MAGI3: variants seen among roughly 807,000 people sequenced by gnomAD.
MAGI3 encodes membrane-associated guanylate kinase, WW and PDZ domain-containing protein 3.
MAGI3 carries 43 observed loss-of-function variants against 121.8 expected under a neutral mutation model. The observed-to-expected ratio is 0.35, with a 90% CI of 0.28 to 0.46. The LOEUF (loss-of-function observed/expected upper bound fraction) is 0.46, where lower values mean the gene tolerates loss of function less well. Ranked by LOEUF, MAGI3 falls within the 20% of genes least tolerant of loss-of-function variation. The pLI is 1.00. For missense variants in MAGI3, 1,547 were observed against 1,797.3 expected (o/e 0.86, Z 2.52); for synonymous variants, 553 against 639.3 (o/e 0.86, Z 2.04).
rs948803126 is a variant in MAGI3 at position 113,446,030 on chromosome 1, C to T, written c.316+54681C>T. Among the ~76,000 whole-genome samples the T allele has an allele frequency of 7.2e-5, 11 of 152,116 alleles. No individual in the cohort carries two copies. The East Asian group carries it at 2.1e-3, about 29-fold the overall frequency. ...TATTATTGTAACAACAGTTTGTAAC[C>T]CCACTTTTTTTGTTTTCTTCATGAT... On this transcript the variant is annotated intron_variant, in intron 1 of 20. Transcript: ENST00000307546.
intron 1 of MAGI3, among the ~76,000 whole-genome samples, chr1:113,472,403 C>T (rs560714396): frequency 2.6e-5 from 4 of 152,170 alleles, no homozygotes; most frequent in African/African-American, 7.2e-5. Context: ...GGGGTTTCAC[C>T]GTGTTAGCCA....
intron 2 of MAGI3, among the ~76,000 whole-genome samples, chr1:113,570,566 T>A (rs1647235367): frequency 6.6e-6 from 1 of 152,210 alleles, no homozygotes; most frequent in African/African-American, 2.4e-5. Flanking sequence ...ATTTCCTGAC[T>A]TTTTAATAAT....
At chr1:113,613,747 C>T (rs960430397) in intron 6 of MAGI3, among the ~76,000 whole-genome samples, 2 of 152,108 alleles carry the variant, frequency 1.3e-5, no homozygotes, top group Non-Finnish European at 2.9e-5. Flanking sequence ...ACTAGAACCA[C>T]CTGCTAGGAA....
chr1:113,437,485 A>G (rs1653627870), intron 1 of MAGI3, among the ~76,000 whole-genome samples: 1 of 151,948 alleles, frequency 6.6e-6, no homozygotes, highest in Non-Finnish European at 1.5e-5. Context: ...TTTTCTCCCT[A>G]GATAATAGAA....
At chr1:113,673,565 A>T in intron 19 of MAGI3, 100 bp downstream of exon 19, 1 of 1,304,872 alleles carries the variant, frequency 7.7e-7, no homozygotes, top group South Asian at 1.4e-5. Context: ...AACCTCCTAA[A>T]TCTAAAAAGC....
At chr1:113,639,343 G>A (rs1263236528) in intron 9 of MAGI3, among the ~76,000 whole-genome samples, 1 of 152,214 alleles carries the variant, frequency 6.6e-6, no homozygotes, top group Non-Finnish European at 1.5e-5. Flanking sequence ...GCTGGGAACT[G>A]TAGACCGGAG....
At chr1:113,453,275 A>G (rs745842871) in intron 1 of MAGI3, among the ~76,000 whole-genome samples, 20 of 152,216 alleles carry the variant, frequency 1.3e-4, no homozygotes, top group Non-Finnish European at 1.5e-5. Flanking sequence ...TCTTTCTTGC[A>G]TAAACAACAT....
chr1:113,416,329 T>C (rs1408680426), intron 1 of MAGI3, among the ~76,000 whole-genome samples: 1 of 116,048 alleles, frequency 8.6e-6, no homozygotes, highest in African/African-American at 3.3e-5. Context: ...TAATTAATTA[T>C]ATATCAATCA....
chr1:113,400,786 A>C (rs1289749055), intron 1 of MAGI3, among the ~76,000 whole-genome samples: 2 of 152,192 alleles, frequency 1.3e-5, no homozygotes, highest in African/African-American at 4.8e-5. Flanking sequence ...TTAAGTTAGA[A>C]TGCACATGCT....
intron 2 of MAGI3, among the ~76,000 whole-genome samples, chr1:113,551,686 C>A (rs1169241897): frequency 6.6e-6 from 1 of 152,056 alleles, no homozygotes; most frequent in Non-Finnish European, 1.5e-5. Context: ...TGTGAAACTT[C>A]TTAAATTTTT....
chr1:113,575,505 G>C (rs955087604), intron 2 of MAGI3, among the ~76,000 whole-genome samples: 1 of 152,178 alleles, frequency 6.6e-6, no homozygotes, highest in Non-Finnish European at 1.5e-5. Flanking sequence ...TGTTTGCCTG[G>C]TATCACCAGC....
At chr1:113,669,015 T>A (rs1647356000) in intron 16 of MAGI3, among the ~76,000 whole-genome samples, 1 of 152,232 alleles carries the variant, frequency 6.6e-6, no homozygotes. Flanking sequence ...GCTCTGATGT[T>A]ATACACTCAT....
At chr1:113,443,130 G>A (rs1283231021) in intron 1 of MAGI3, among the ~76,000 whole-genome samples, 1 of 152,078 alleles carries the variant, frequency 6.6e-6, no homozygotes, top group East Asian at 1.9e-4. Flanking sequence ...GAATTATTCT[G>A]TTAGTAGGAA....
At chr1:113,429,892 A>G (rs1277197996) in intron 1 of MAGI3, among the ~76,000 whole-genome samples, 2 of 152,118 alleles carry the variant, frequency 1.3e-5, no homozygotes, top group African/African-American at 2.4e-5. Flanking sequence ...TCCAGACCCT[A>G]TTCTCCTGCC....
At chr1:113,534,989 G>A (rs1658899367) in intron 1 of MAGI3, among the ~76,000 whole-genome samples, 1 of 152,046 alleles carries the variant, frequency 6.6e-6, no homozygotes, top group Non-Finnish European at 1.5e-5. Context: ...TCTGTAAGTG[G>A]CCTGCAAAAG....
chr1:113,446,141 C>G (rs1188839138), intron 1 of MAGI3, among the ~76,000 whole-genome samples: 1 of 151,918 alleles, frequency 6.6e-6, no homozygotes, highest in African/African-American at 2.4e-5. Flanking sequence ...CATTTTTTTT[C>G]TACATAATTT....
chr1:113,473,091 A>G (rs1655623307), intron 1 of MAGI3, among the ~76,000 whole-genome samples: 1 of 152,138 alleles, frequency 6.6e-6, no homozygotes, highest in South Asian at 2.1e-4. Context: ...TTTCATTTTA[A>G]GTTGAAGAAC....
chr1:113,467,966 A>T (rs1220876391), intron 1 of MAGI3, among the ~76,000 whole-genome samples: 1 of 152,140 alleles, frequency 6.6e-6, no homozygotes, highest in Non-Finnish European at 1.5e-5. Context: ...GACCTTTCTC[A>T]TTATGTAGTG....
At chr1:113,439,906 C>G (rs1023170058) in intron 1 of MAGI3, among the ~76,000 whole-genome samples, 5 of 150,852 alleles carry the variant, frequency 3.3e-5, no homozygotes, top group Admixed American at 6.8e-5. Context: ...TGTTTTGACT[C>G]TACGGTCTCC....
Sources: allele counts gnomAD v4.1 joint callset (sites outside exome capture counted in the v4.1 genomes callset), GRCh38; gene constraint gnomAD v4.1.1; transcripts MANE v1.5; gene names NCBI Gene and HGNC (gene_info 2026-07-23, HGNC 2026-07-21).